The following BAZ1B variants were observed in gnomAD, a reference collection of about 807,000 sequenced individuals.
BAZ1B encodes the protein bromodomain adjacent to zinc finger domain 1B.
Under a neutral mutation model 153.8 loss-of-function variants are expected in BAZ1B, and 22 were observed. The observed-to-expected ratio is 0.14, with a 90% CI of 0.10 to 0.20. The LOEUF is 0.20. BAZ1B is among the 10% of genes least tolerant of loss of function. The pLI is 1.00. For missense variants in BAZ1B, 1,325 were observed against 1,799.3 expected (o/e 0.74, Z 4.77); for synonymous variants, 676 against 633.4 (o/e 1.07, Z -1.01).
chr7:73,477,007 A>C lies in BAZ1B; in HGVS notation c.2454T>G (p.Thr818=). The C allele has an allele frequency of 6.2e-7, 1 of 1,614,054 alleles. No homozygotes were observed. ...NGKVENGLGK[T]DRKKEIVKFE... is the part of the protein sequence containing the mutation. ...ACTTCACAATTTCTTTTTTCCTATC[A>C]GTTTTGCCTAACCCATTCTCAACTT... Residue 818 remains threonine, a synonymous_variant, in exon 7 of 20, where the codon ACT becomes ACG. Coordinates refer to ENST00000339594, the MANE Select transcript of BAZ1B (RefSeq NM_032408.4). This position sits in a 1 kb window ranked among gnomAD's most constrained non-coding sequence, Gnocchi z 5.6.
Position 73,492,955 on chromosome 7 carries a change from A to G in BAZ1B, c.572-34T>C, listed in dbSNP as rs782476505. The G allele has an allele frequency of 5.7e-6, 9 of 1,566,834 alleles. No individual in the cohort carries two copies. In the South Asian group the frequency reaches 1.1e-4, roughly 19 times the overall value. The stretch of plus-strand genomic sequence containing the variant: ...ATCATAGAAAATTAGTGAAAAACGT[A>G]ATTATTTTAATCCTTTTCATTCATT... On this transcript the variant is annotated intron_variant, in intron 4 of 19. Coordinates refer to ENST00000339594, the MANE Select transcript of BAZ1B (RefSeq NM_032408.4).
At chr7:73,479,936 A>G (rs1554573463) in intron 6 of BAZ1B, among the ~76,000 whole-genome samples, 4 of 152,110 alleles carry the variant, frequency 2.6e-5, no homozygotes, top group African/African-American at 7.2e-5. Context: ...TTCGGAGGCC[A>G]AGGCGGGCTG....
At chr7:73,465,117 T>C (rs940116092) in intron 11 of BAZ1B, among the ~76,000 whole-genome samples, 1 of 152,176 alleles carries the variant, frequency 6.6e-6, no homozygotes, top group Non-Finnish European at 1.5e-5. Flanking sequence ...CTTCTGAATA[T>C]TGATAGAATA....
intron 6 of BAZ1B, among the ~76,000 whole-genome samples, chr7:73,479,699 C>T (rs1395626340): frequency 6.6e-6 from 1 of 152,008 alleles, no homozygotes; most frequent in African/African-American, 2.4e-5. Context: ...TCTTGCTTTA[C>T]CCAGATTAAA....
intron 11 of BAZ1B, among the ~76,000 whole-genome samples, chr7:73,463,452 C>G (rs1788466225): frequency 6.6e-6 from 1 of 151,966 alleles, no homozygotes. Flanking sequence ...GTTGCCCAGG[C>G]TGGTCTCAAA....
intron 7 of BAZ1B, among the ~76,000 whole-genome samples, chr7:73,475,130 C>T (rs925570259): frequency 6.6e-6 from 1 of 152,162 alleles, no homozygotes; most frequent in Non-Finnish European, 1.5e-5. Context: ...TGCTGGTGGG[C>T]ATGTAAAATT....
chr7:73,485,284 G>A (rs1789358585), intron 6 of BAZ1B, among the ~76,000 whole-genome samples: 1 of 152,066 alleles, frequency 6.6e-6, no homozygotes, highest in African/African-American at 2.4e-5. Flanking sequence ...CATCCTGTCT[G>A]GAAAATTACT....
At chr7:73,474,638 G>A (rs1554572522) in intron 7 of BAZ1B, among the ~76,000 whole-genome samples, 2 of 152,038 alleles carry the variant, frequency 1.3e-5, no homozygotes, top group Non-Finnish European at 2.9e-5. Flanking sequence ...AGCCAGGTGT[G>A]GTGGCACACG....
intron 7 of BAZ1B, among the ~76,000 whole-genome samples, chr7:73,473,029 A>C (rs1583909714): frequency 1.4e-5 from 2 of 147,906 alleles, no homozygotes; most frequent in Non-Finnish European, 3.0e-5. Flanking sequence ...GCAACCTCAG[A>C]CTCCCTGGTT....
At chr7:73,473,091 G>T (rs1250296792) in intron 7 of BAZ1B, among the ~76,000 whole-genome samples, 3 of 152,064 alleles carry the variant, frequency 2.0e-5, no homozygotes, top group African/African-American at 4.8e-5. Context: ...ACAGGCATGC[G>T]CCACCATGCC....
At chr7:73,449,826 G>A in intron 14 of BAZ1B, 137 bp from the exon 15 acceptor site, 16 of 860,616 alleles carry the variant, frequency 1.9e-5, no homozygotes, top group East Asian at 6.0e-5. Flanking sequence ...TTGTTGCTTT[G>A]TAAATGCAGG....
intron 1 of BAZ1B, among the ~76,000 whole-genome samples, chr7:73,519,468 A>C (rs1418874775): frequency 6.6e-6 from 1 of 152,190 alleles, no homozygotes; most frequent in Non-Finnish European, 1.5e-5. Flanking sequence ...CCGAAAGAGC[A>C]ATTTCCCCCC....
At chr7:73,454,289 C>T (rs932073056) in intron 13 of BAZ1B, among the ~76,000 whole-genome samples, 48 of 151,876 alleles carry the variant, frequency 3.2e-4, no homozygotes, top group African/African-American at 1.1e-3. Flanking sequence ...ACAGTGAGAC[C>T]CCATCCCAAA....
chr7:73,510,847 T>C lies in BAZ1B; in HGVS notation c.113A>G (p.Tyr38Cys), dbSNP rs1554578465. 2 of 1,613,910 alleles carry C rather than the reference T, an allele frequency of 1.2e-6. No homozygotes were observed. The highest frequency in any genetic ancestry group is 2.2e-5 in the East Asian group (1 of 44,896). Reference sequence around the variant, plus strand: ...ACTGTACCTTTCCAAGCGGGCTTCATACTCTCTGTTGGCAGTAGTTCAGGA... The same window carrying C: ...ACTGTACCTTTCCAAGCGGGCTTCACACTCTCTGTTGGCAGTAGTTCAGGA... Reference protein sequence around the residue: ...TQEAFRTREEYEARLERYSER... With the variant: ...TQEAFRTREECEARLERYSER... Residue 38 changes from tyrosine (Y) to cysteine (C), a missense_variant, in exon 2 of 20, where the codon TAT becomes TGT. Tyr to Cys is a radical substitution (Grantham distance 194, BLOSUM62 -2). Transcript: ENST00000339594.
At chr7:73,452,088 A>C (rs1436993162) in intron 13 of BAZ1B, among the ~76,000 whole-genome samples, 1 of 152,238 alleles carries the variant, frequency 6.6e-6, no homozygotes, top group Non-Finnish European at 1.5e-5. Context: ...CCAATAGCTC[A>C]TCTGACCTCA....
chr7:73,449,827 T>A (rs1787969018), intron 14 of BAZ1B, 138 bp from the exon 15 acceptor site: 9 of 866,214 alleles, frequency 1.0e-5, no homozygotes, highest in Non-Finnish European at 1.5e-5. Flanking sequence ...TGTTGCTTTG[T>A]AAATGCAGGC....
At position 73,440,681 on chromosome 7, in the gene BAZ1B, G is replaced by GC. The variant is rs1787578656; in HGVS notation, c.*1027dup. 1 of 152,342 alleles carries GC rather than the reference G, an allele frequency of 6.6e-6. No homozygotes were observed. The highest frequency in any genetic ancestry group is 6.6e-5 in the Admixed American group (1 of 15,266). 9.4% of individuals were successfully genotyped at this position (152,342 alleles called of 1,614,324 possible). A position where few individuals can be genotyped will look rare whatever the true frequency, so the allele number is the denominator to read the frequency against. ...AGAAGGGACGGTAAACTACCCAGCA[G>GC]CCCTGGAGCAATCCTCGTCGTCCTT... is the stretch of plus-strand genomic sequence containing the variant. On this transcript the variant is annotated 3_prime_UTR_variant, in exon 20 of 20. Transcript: ENST00000339594.
chr7:73,456,930 T>C (rs370217940), intron 13 of BAZ1B, among the ~76,000 whole-genome samples: 6 of 89,216 alleles, frequency 6.7e-5, no homozygotes, highest in African/African-American at 2.3e-4. Context: ...CGACAGAGAC[T>C]CTGTCTCAAA....
chr7:73,491,303 A>G (rs1789631701), intron 5 of BAZ1B, among the ~76,000 whole-genome samples: 1 of 152,080 alleles, frequency 6.6e-6, no homozygotes, highest in African/African-American at 2.4e-5. Flanking sequence ...ACAAAAAAAC[A>G]AAACAACAAC....
Sources: allele counts gnomAD v4.1 joint callset (sites outside exome capture counted in the v4.1 genomes callset), GRCh38; gene constraint gnomAD v4.1.1; non-coding constraint Gnocchi (gnomAD v3.1); transcripts MANE v1.5; gene names NCBI Gene and HGNC (gene_info 2026-07-23, HGNC 2026-07-21).